DCUN1D1: variants seen among roughly 807,000 people sequenced by gnomAD.
DCUN1D1 encodes defective in cullin neddylation 1 domain containing 1, also known as DCN1-like protein 1.
DCUN1D1 carries 3 observed loss-of-function variants against 39.0 expected under a neutral mutation model. That is an observed-to-expected ratio of 0.08 (90% CI 0.04 to 0.20). The LOEUF (loss-of-function observed/expected upper bound fraction) is 0.20, where lower values mean the gene tolerates loss of function less well. Among genes scored for constraint, DCUN1D1 ranks in the 10% least tolerant of loss-of-function variants. The pLI is 1.00. For synonymous variants in DCUN1D1, 82 were observed against 96.3 expected, an observed-to-expected ratio of 0.85 and a Z score of 0.87; for missense variants, 158 against 302.4, an observed-to-expected ratio of 0.52 and a Z score of 3.54.
At chr3:182,945,586 G>A (rs1196875132) in intron 6 of DCUN1D1, among the ~76,000 whole-genome samples, 2 of 150,160 alleles carry the variant, frequency 1.3e-5, no homozygotes, top group Non-Finnish European at 2.9e-5. Context: ...GACAGAGCGA[G>A]ACTCCCTCTC....
chr3:182,970,154 A>C (rs1009143783), intron 1 of DCUN1D1, among the ~76,000 whole-genome samples: 1 of 151,980 alleles, frequency 6.6e-6, no homozygotes, highest in Non-Finnish European at 1.5e-5. Context: ...GCTACATGGG[A>C]GGCTGAGGTG....
At chr3:182,949,795 G>A (rs1398731856) in intron 4 of DCUN1D1, among the ~76,000 whole-genome samples, 1 of 152,150 alleles carries the variant, frequency 6.6e-6, no homozygotes, top group Non-Finnish European at 1.5e-5. Flanking sequence ...CTGGAAACCT[G>A]CAAGACTGAC....
Position 182,980,528 on chromosome 3 carries a change from C to A in DCUN1D1, c.-39G>T. The A allele has an allele frequency of 8.1e-7, 1 of 1,233,520 alleles. No individual in the cohort carries two copies. The highest frequency in any genetic ancestry group is 1.9e-5 in the South Asian group (1 of 51,550). The allele number at this position is 1,233,520 out of a possible 1,614,324, so 76.4% of individuals were successfully genotyped here. A position where few individuals can be genotyped will look rare whatever the true frequency, so the allele number is the denominator to read the frequency against. On this transcript the variant is annotated 5_prime_UTR_variant, in exon 1 of 7. Coordinates refer to ENST00000292782, the MANE Select transcript of DCUN1D1 (RefSeq NM_020640.4). ...AGGCCTCTCCCCTCCTCCTCCGGCT[C>A]CGCAGCGAATGGACGGCGGCGGCGG...
intron 4 of DCUN1D1, among the ~76,000 whole-genome samples, chr3:182,952,753 CTCA>C (rs1726822218): frequency 6.6e-6 from 1 of 152,188 alleles, no homozygotes; most frequent in African/African-American, 2.4e-5. Context: ...TCCTTCCTTC[CTCA>C]TCATACACAA....
upstream of DCUN1D1, among the ~76,000 whole-genome samples, chr3:182,981,533 A>C (rs1728550829): frequency 6.6e-6 from 1 of 152,148 alleles, no homozygotes; most frequent in South Asian, 2.1e-4. Context: ...AGTTGGAGAG[A>C]TAAGACACCT....
At chr3:182,975,113 A>T (rs1384857505) in intron 1 of DCUN1D1, among the ~76,000 whole-genome samples, 1 of 152,150 alleles carries the variant, frequency 6.6e-6, no homozygotes, top group Non-Finnish European at 1.5e-5. Context: ...AGCACAATCA[A>T]AGCAGCCACT....
At chr3:182,965,888 T>C in intron 1 of DCUN1D1, 135 bp from the exon 2 acceptor site, 1 of 639,034 alleles carries the variant, frequency 1.6e-6, no homozygotes, top group Non-Finnish European at 2.7e-6. Context: ...TAAGATTTAT[T>C]TTTGATCTAT....
chr3:182,977,505 C>T (rs1428694265), intron 1 of DCUN1D1, among the ~76,000 whole-genome samples: 1 of 151,992 alleles, frequency 6.6e-6, no homozygotes, highest in Non-Finnish European at 1.5e-5. Context: ...GACGCGATCT[C>T]GGCTCACTGC....
In DCUN1D1 at chr3:182,939,360, G is replaced by C. The variant is rs181312916; in HGVS notation, c.*5734C>G. The C allele has an allele frequency of 6.6e-6, 1 of 152,092 alleles. No individual in the cohort carries two copies. The highest frequency in any genetic ancestry group is 2.4e-5 in the African/African-American group (1 of 41,400). 9.4% of individuals were successfully genotyped at this position (152,092 alleles called of 1,614,324 possible). On this transcript the variant is annotated 3_prime_UTR_variant, in exon 7 of 7. Transcript: ENST00000292782. ...CACAACCTGACAATTCCACAACTAG[G>C]AATCTGAGATGAAAACATGTCCACA... is the stretch of plus-strand genomic sequence containing the variant.
At position 182,965,829 on chromosome 3, in the gene DCUN1D1, A is replaced by G. The variant is rs1727639690; in HGVS notation, c.4-76T>C. 20 of 903,914 alleles carry G rather than the reference A, an allele frequency of 2.2e-5. No individual in the cohort carries two copies. The South Asian group carries it at 3.0e-4, about 14-fold the overall frequency. 56.0% of individuals were successfully genotyped at this position (903,914 alleles called of 1,614,324 possible). A position where few individuals can be genotyped will look rare whatever the true frequency, so the allele number is the denominator to read the frequency against. ...TAAATATTTCTATATGGCTAACTAA[A>G]CATTCTTAGTAATACTTTTTCCTCA... On this transcript the variant is annotated intron_variant, in intron 1 of 6. Transcript: ENST00000292782.
intron 1 of DCUN1D1, among the ~76,000 whole-genome samples, chr3:182,979,171 A>G (rs1200385743): frequency 6.6e-6 from 1 of 152,226 alleles, no homozygotes; most frequent in Non-Finnish European, 1.5e-5. Context: ...CCTGCACTTT[A>G]AAGTTTTCTT....
chr3:182,954,058 C>A (rs1308846834), intron 4 of DCUN1D1, among the ~76,000 whole-genome samples: 1 of 152,080 alleles, frequency 6.6e-6, no homozygotes, highest in African/African-American at 2.4e-5. Flanking sequence ...ATCCTATTCA[C>A]AATGTCTTTT....
upstream of DCUN1D1, among the ~76,000 whole-genome samples, chr3:182,981,949 C>T (rs1174093138): frequency 6.6e-6 from 1 of 152,228 alleles, no homozygotes; most frequent in Admixed American, 6.5e-5. Context: ...AGATCTGCCT[C>T]ATGCAGCAAG....
rs1302082791 is a variant in DCUN1D1, at chr3:182,942,769, T to C, written c.*2325A>G. ...ACACAGACTCAAACACACACAGCCA[T>C]ATGTGTAATCATTTTTTAGTACAAA... On this transcript the variant is annotated 3_prime_UTR_variant, in exon 7 of 7. Coordinates refer to ENST00000292782, the MANE Select transcript of DCUN1D1 (RefSeq NM_020640.4). 2 of 151,888 alleles carry C rather than the reference T, an allele frequency of 1.3e-5. No homozygotes were observed. The highest frequency in any genetic ancestry group is 2.9e-5 in the Non-Finnish European group (2 of 67,896). 9.4% of individuals were successfully genotyped at this position (151,888 alleles called of 1,614,324 possible).
rs1726127079 is a variant in DCUN1D1 at position 182,941,363 on chromosome 3, T to C, written c.*3731A>G. On this transcript the variant is annotated 3_prime_UTR_variant, in exon 7 of 7. Coordinates refer to ENST00000292782, the MANE Select transcript of DCUN1D1 (RefSeq NM_020640.4). The stretch of plus-strand genomic sequence containing the variant: ...AGATAAAGGTGTCATGATAAATAAC[T>C]TCACCACAGTCCTATGAAATAAAAA... 6.6e-6 allele frequency: 1 copy of C among 152,046 alleles called. No homozygotes were observed. The highest frequency in any genetic ancestry group is 2.4e-5 in the African/African-American group (1 of 41,428). 9.4% of individuals were successfully genotyped at this position (152,046 alleles called of 1,614,324 possible).
chr3:182,968,642 C>G (rs1352187213), intron 1 of DCUN1D1, among the ~76,000 whole-genome samples: 2 of 151,624 alleles, frequency 1.3e-5, no homozygotes, highest in Non-Finnish European at 2.9e-5. Flanking sequence ...GCTCTGTTGC[C>G]AGGCAGAAAT....
chr3:182,972,798 T>C (rs1728011633), intron 1 of DCUN1D1, among the ~76,000 whole-genome samples: 1 of 152,150 alleles, frequency 6.6e-6, no homozygotes, highest in Non-Finnish European at 1.5e-5. Context: ...CCCAGCACTC[T>C]GGGAGGCCAA....
In DCUN1D1 at chr3:182,943,114, G is replaced by GAAAA. The variant is rs57297234; in HGVS notation, c.*1976_*1979dup. The GAAAA allele has an allele frequency of 7.4e-5, 4 of 54,402 alleles. No homozygotes were observed. The highest frequency in any genetic ancestry group is 1.5e-4 in the Non-Finnish European group (4 of 25,996). The allele number at this position is 54,402 out of a possible 1,614,324, so 3.4% of individuals were successfully genotyped here. On this transcript the variant is annotated 3_prime_UTR_variant, in exon 7 of 7. Coordinates refer to ENST00000292782, the MANE Select transcript of DCUN1D1 (RefSeq NM_020640.4). ...ACTTTTAAAGAAAACACTTTATATT[G>GAAAA]AAAAAAAAAAAAAAAAAAAAAAGCT...
At chr3:182,966,846 C>A (rs147095861) in intron 1 of DCUN1D1, among the ~76,000 whole-genome samples, 1 of 152,166 alleles carries the variant, frequency 6.6e-6, no homozygotes, top group Non-Finnish European at 1.5e-5. Flanking sequence ...GTGGCTCACG[C>A]CTGTAATCCC....
Sources: allele counts gnomAD v4.1 joint callset (sites outside exome capture counted in the v4.1 genomes callset), GRCh38; gene constraint gnomAD v4.1.1; transcripts MANE v1.5; gene names NCBI Gene and HGNC (gene_info 2026-07-23, HGNC 2026-07-21).